The following PITPNM2 variants were observed in gnomAD, a reference collection of about 807,000 sequenced individuals.
The protein encoded by PITPNM2 is membrane-associated phosphatidylinositol transfer protein 2.
A neutral mutation model predicts 132.2 loss-of-function variants in PITPNM2; 35 were observed. The ratio of observed to expected loss-of-function variants is 0.26; its 90% confidence interval spans 0.20 to 0.35. The LOEUF is 0.35. Ranked by LOEUF, PITPNM2 falls within the 10% of genes least tolerant of loss-of-function variation. The probability of loss-of-function intolerance (pLI) is 1.00; values close to 1 mark genes in which losing one functional copy is unlikely to be tolerated. For missense variants in PITPNM2, 1,332 were observed against 1,912.0 expected, an observed-to-expected ratio of 0.70 and a Z score of 5.66; for synonymous variants, 738 against 799.2, an observed-to-expected ratio of 0.92 and a Z score of 1.29.
intron 17 of PITPNM2, 21 bp from the exon 18 acceptor site, chr12:122,989,969 A>ATG: frequency 7.7e-7 from 1 of 1,300,440 alleles, no homozygotes; most frequent in Non-Finnish European, 9.8e-7. Context: ...AGAGCAATGG[A>ATG]TGGCTCAGCC....
At chr12:123,055,298 A>T (rs2136694920) in intron 2 of PITPNM2, among the ~76,000 whole-genome samples, 1 of 152,296 alleles carries the variant, frequency 6.6e-6, no homozygotes, top group South Asian at 2.1e-4. Context: ...AGTGTTCCCA[A>T]CGTGCCACCC....
chr12:123,127,069 G>A (rs563843055), intron 1 of PITPNM2, among the ~76,000 whole-genome samples: 6 of 152,318 alleles, frequency 3.9e-5, no homozygotes, highest in South Asian at 2.1e-4. Flanking sequence ...GAGAATGCAC[G>A]AATGGTTCAT....
Position 122,994,901 on chromosome 12 carries a change from G to C in PITPNM2, c.2133C>G (p.Ala711=), listed in dbSNP as rs951431599. ...TGATCTCAAAGTCAAACCTGCCCAG[G>C]GCACCTGTGCCATCCAGCATGGTGG... ...SSSTMLDGTG[A]LGRFDFEITD... The change falls in exon 15 of 26, where the codon GCC becomes GCG. Residue 711 remains alanine, a synonymous_variant. Transcript: ENST00000320201. This position sits in a 1 kb window ranked among gnomAD's most constrained non-coding sequence, Gnocchi z 5.4. The C allele has an allele frequency of 6.2e-7, 1 of 1,612,326 alleles. No individual in the cohort carries two copies.
chr12:123,005,463 C>T lies in PITPNM2; in HGVS notation c.729G>A (p.Arg243=). The T allele has an allele frequency of 6.2e-7, 1 of 1,614,104 alleles. No homozygotes were observed. The highest frequency in any genetic ancestry group is 8.5e-7 in the Non-Finnish European group (1 of 1,180,022). ...EWYGLSMENI[R]ELEKEAQLML... ...TGAGCTGTGCCTCCTTCTCCAGCTCCCGGATGTTCTCCATGCTCAGCCCAT... is the reference window on the plus strand; with the variant it reads ...TGAGCTGTGCCTCCTTCTCCAGCTCTCGGATGTTCTCCATGCTCAGCCCAT... The change falls in exon 7 of 26, where the codon CGG becomes CGA. Residue 243 remains arginine, a synonymous_variant. Transcript: ENST00000320201. This position sits in a 1 kb window ranked among gnomAD's most constrained non-coding sequence, Gnocchi z 6.2.
chr12:123,085,097 C>T (rs1490240576), intron 2 of PITPNM2, among the ~76,000 whole-genome samples: 5 of 152,156 alleles, frequency 3.3e-5, no homozygotes, highest in African/African-American at 9.7e-5. Context: ...CTGAGATGAA[C>T]CTAGAGTTGT....
At chr12:123,044,519 A>G (rs2040590351) in intron 2 of PITPNM2, among the ~76,000 whole-genome samples, 1 of 152,210 alleles carries the variant, frequency 6.6e-6, no homozygotes, top group African/African-American at 2.4e-5. Context: ...ACCATCCAAG[A>G]CACCAGAGTT....
At chr12:123,079,350 C>CTTTTTTTTTTTTTT (rs139205213) in intron 2 of PITPNM2, among the ~76,000 whole-genome samples, 17 of 53,834 alleles carry the variant, frequency 3.2e-4, no homozygotes, top group South Asian at 9.3e-4. Flanking sequence ...TTTTTCTTTT[C>CTTTTTTTTTTTTTT]TTTTTTTTTT....
At chr12:123,104,926 G>T (rs1166287007) in intron 2 of PITPNM2, among the ~76,000 whole-genome samples, 2 of 152,020 alleles carry the variant, frequency 1.3e-5, no homozygotes, top group African/African-American at 4.8e-5. Flanking sequence ...ACCCTCTACT[G>T]CTCAAACATT....
intron 4 of PITPNM2, 147 bp from the exon 5 acceptor site, chr12:123,012,881 TC>T: frequency 9.2e-7 from 1 of 1,086,276 alleles, no homozygotes; most frequent in Non-Finnish European, 1.3e-6. Context: ...GCCTGCCCTG[TC>T]CACCTCTTGG....
chr12:123,143,158 G>A (rs1375887478), intron 1 of PITPNM2, among the ~76,000 whole-genome samples: 1 of 129,714 alleles, frequency 7.7e-6, no homozygotes, highest in Non-Finnish European at 1.6e-5. Flanking sequence ...CCAAGGGGCT[G>A]TCTAGAGAGA....
chr12:123,123,364 C>A (rs1348264416), intron 1 of PITPNM2, among the ~76,000 whole-genome samples: 2 of 152,206 alleles, frequency 1.3e-5, no homozygotes, highest in Non-Finnish European at 2.9e-5. Flanking sequence ...ATAATCCCAA[C>A]ACTCTAGGAG....
At chr12:123,129,385 G>A (rs1030580997) in intron 1 of PITPNM2, among the ~76,000 whole-genome samples, 13 of 151,814 alleles carry the variant, frequency 8.6e-5, no homozygotes, top group African/African-American at 1.9e-4. Context: ...TGGCTAACAC[G>A]GTGAAACCCC....
intron 12 of PITPNM2, 46 bp downstream of exon 12, chr12:122,996,675 C>T (rs965397006): frequency 5.6e-6 from 9 of 1,611,310 alleles, no homozygotes; most frequent in Non-Finnish European, 7.6e-6. Context: ...GCCCGCCCTA[C>T]AGGGTCTTCC....
At chr12:123,074,857 T>C (rs112736151) in intron 2 of PITPNM2, among the ~76,000 whole-genome samples, 41 of 152,298 alleles carry the variant, frequency 2.7e-4, no homozygotes, top group African/African-American at 9.6e-4. Flanking sequence ...GGCAGCTCTT[T>C]CCAGAAGTGG....
intron 1 of PITPNM2, among the ~76,000 whole-genome samples, chr12:123,147,702 A>G (rs931953799): frequency 1.3e-5 from 2 of 152,184 alleles, no homozygotes; most frequent in African/African-American, 4.8e-5. Flanking sequence ...AAACATAATC[A>G]GTTGGAAAGA....
intron 10 of PITPNM2, among the ~76,000 whole-genome samples, chr12:122,999,772 C>T (rs2038580375): frequency 1.3e-5 from 2 of 152,156 alleles, no homozygotes; most frequent in Admixed American, 6.5e-5. Context: ...GCAGGGGCTC[C>T]GGTTTGGGGG....
intron 2 of PITPNM2, among the ~76,000 whole-genome samples, chr12:123,046,817 G>A (rs571522265): frequency 2.6e-5 from 4 of 152,242 alleles, no homozygotes; most frequent in African/African-American, 7.2e-5. Flanking sequence ...TATTAGCCCC[G>A]TTTTTATAAC....
intron 2 of PITPNM2, among the ~76,000 whole-genome samples, chr12:123,102,211 T>C (rs1473663637): frequency 1.3e-5 from 2 of 152,118 alleles, no homozygotes; most frequent in African/African-American, 4.8e-5. Flanking sequence ...GGAAGGAAAG[T>C]GCTGAACAAC....
chr12:123,082,839 A>T lies in PITPNM2; in HGVS notation c.-96+27546T>A, dbSNP rs1431985094. On this transcript the variant is annotated intron_variant, in intron 2 of 25. Transcript: ENST00000320201. This position sits in a 1 kb window ranked among gnomAD's most constrained non-coding sequence, Gnocchi z 5.4. ...TCTCCAGAACCAATTCACCTTCCCC[A>T]GCTGAACTCTACACATTAAACAATA... is the stretch of plus-strand genomic sequence containing the variant. 6.6e-6 allele frequency: 1 copy of T among 152,230 alleles called. No individual in the cohort carries two copies. Among genetic ancestry groups the T allele is most frequent in the African/African-American group, 2.4e-5 (1 of 41,402 alleles). 9.4% of individuals were successfully genotyped at this position (152,230 alleles called of 1,614,324 possible).
Sources: gnomAD v4.1 joint callset for allele counts (sites outside exome capture counted in the v4.1 genomes callset) on GRCh38, gnomAD v4.1.1 for gene constraint, Gnocchi (gnomAD v3.1) non-coding constraint, MANE v1.5 for transcripts, NCBI Gene and HGNC (gene_info 2026-07-23, HGNC 2026-07-21) for gene names.